The following NUP210 variants were observed in gnomAD, a reference collection of about 807,000 sequenced individuals.
The protein encoded by NUP210 is nucleoporin 210.
NUP210 carries 151 observed loss-of-function variants against 196.0 expected under a neutral mutation model. The ratio of observed to expected loss-of-function variants is 0.77; its 90% CI spans 0.67 to 0.88. The LOEUF is 0.88. NUP210 is among the 40% of genes least tolerant of loss of function. The pLI is 0.00. For synonymous variants in NUP210, 1,070 were observed against 1,052.7 expected, an observed-to-expected ratio of 1.02 and a Z score of -0.32; for missense variants, 2,314 against 2,493.7, an observed-to-expected ratio of 0.93 and a Z score of 1.53.
intron 1 of NUP210, among the ~76,000 whole-genome samples, chr3:13,418,193 T>C (rs1228742841): frequency 6.6e-6 from 1 of 152,250 alleles, no homozygotes; most frequent in Non-Finnish European, 1.5e-5. Flanking sequence ...GTTCAGCCTC[T>C]GGCATCAGGC....
In NUP210 at chr3:13,420,144, A is replaced by T; in HGVS notation, c.83T>A (p.Leu28His). Residue 28 changes from leucine to histidine, a missense_variant, in exon 1 of 40, where the codon CTC becomes CAC. Physicochemically the swap from Leu to His is moderately conservative, Grantham distance 99. Transcript: ENST00000254508. The surrounding 1 kb of genome is among the most constrained non-coding windows in gnomAD (Gnocchi z 4.8). ...GGGCAGCAGCACTTTGGGGATGTTG[A>T]GCTTGGCCGCAGCGGCGGAGGGGCC... Reference protein sequence around the residue: ...AAGPSAAAAKLNIPKVLLPFT... With the variant: ...AAGPSAAAAKHNIPKVLLPFT... 7.6e-7 allele frequency: 1 copy of T among 1,324,486 alleles called. No individual in the cohort carries two copies. Among genetic ancestry groups the T allele is most frequent in the Non-Finnish European group, 9.8e-7 (1 of 1,017,628 alleles). 82.0% of individuals were successfully genotyped at this position (1,324,486 alleles called of 1,614,324 possible). A position where few individuals can be genotyped will look rare whatever the true frequency, so the allele number is the denominator to read the frequency against.
At chr3:13,419,225 C>G (rs1367260751) in intron 1 of NUP210, among the ~76,000 whole-genome samples, 1 of 152,238 alleles carries the variant, frequency 6.6e-6, no homozygotes. Flanking sequence ...CCCATCTTTT[C>G]ACCCCTAGGA....
chr3:13,343,467 C>T (rs961716753), intron 20 of NUP210, among the ~76,000 whole-genome samples, 164 bp from the exon 21 acceptor site: 2 of 152,200 alleles, frequency 1.3e-5, no homozygotes, highest in African/African-American at 4.8e-5. Flanking sequence ...AAGCAGTGGA[C>T]AAGGGAAATC....
chr3:13,418,963 AAAAAAAAAAAG>A (rs1227990940), intron 1 of NUP210, among the ~76,000 whole-genome samples: 9 of 148,558 alleles, frequency 6.1e-5, no homozygotes, highest in African/African-American at 1.0e-4. Context: ...AAAAAAAAAA[AAAAAAAAAAAG>A]AAAGAAAGAA....
Position 13,379,084 on chromosome 3 carries a change from G to C in NUP210, c.977-104C>G. ...CCTGATCATCAAGACATCACATGGAGAGAAGAAGAGGGGATGAAAACTCCC... is the reference window on the plus strand; with the variant it reads ...CCTGATCATCAAGACATCACATGGACAGAAGAAGAGGGGATGAAAACTCCC... On this transcript the variant is annotated intron_variant, in intron 7 of 39. Coordinates refer to ENST00000254508, the MANE Select transcript of NUP210 (RefSeq NM_024923.4). The surrounding 1 kb of genome is among the most constrained non-coding windows in gnomAD (Gnocchi z 4.2). 1 of 973,080 alleles carries C rather than the reference G, an allele frequency of 1.0e-6. No individual in the cohort carries two copies. Among genetic ancestry groups the C allele is most frequent in the Non-Finnish European group, 1.7e-6 (1 of 603,344 alleles). 60.3% of individuals were successfully genotyped at this position (973,080 alleles called of 1,614,324 possible).
intron 20 of NUP210, chr3:13,344,887 C>G: frequency 1.0e-6 from 1 of 977,280 alleles, no homozygotes; most frequent in Non-Finnish European, 1.2e-6. Context: ...ATCCTCCAGG[C>G]CCAGGTCCAG....
In NUP210 at chr3:13,420,322, T is replaced by C; in HGVS notation, c.-96A>G. 1.2e-6 allele frequency: 1 copy of C among 810,104 alleles called. No individual in the cohort carries two copies. Among genetic ancestry groups the C allele is most frequent in the Non-Finnish European group, 1.5e-6 (1 of 668,032 alleles). The allele number at this position is 810,104 out of a possible 1,614,324, so 50.2% of individuals were successfully genotyped here. On this transcript the variant is annotated 5_prime_UTR_variant, in exon 1 of 40. Transcript: ENST00000254508. This position sits in a 1 kb window ranked among gnomAD's most constrained non-coding sequence, Gnocchi z 4.8. ...CCCGCGCGCGCGCCAGGCCAGCAGG[T>C]GATGAGCGCGGGGGCGGGGCGAGGG...
intron 1 of NUP210, among the ~76,000 whole-genome samples, chr3:13,401,895 A>T (rs1308647307): frequency 2.0e-5 from 3 of 152,002 alleles, no homozygotes; most frequent in Non-Finnish European, 4.4e-5. Context: ...ACTGCTTTAA[A>T]AAAAAAAAAG....
At chr3:13,359,792 C>T (rs747423038) in intron 15 of NUP210, among the ~76,000 whole-genome samples, 1 of 152,138 alleles carries the variant, frequency 6.6e-6, no homozygotes, top group Non-Finnish European at 1.5e-5. Flanking sequence ...TTGTCTGGTC[C>T]CCTCAGCCTC....
chr3:13,324,143 G>A (rs1404285306), intron 33 of NUP210, among the ~76,000 whole-genome samples: 4 of 152,106 alleles, frequency 2.6e-5, no homozygotes, highest in Admixed American at 6.5e-5. Flanking sequence ...CGGTGCCTCC[G>A]CTCAGGGCTT....
intron 6 of NUP210, among the ~76,000 whole-genome samples, chr3:13,382,604 C>T (rs1377105609): frequency 6.6e-6 from 1 of 152,198 alleles, no homozygotes; most frequent in Non-Finnish European, 1.5e-5. Flanking sequence ...GAAAAAATTA[C>T]TGTAAGGAAG....
chr3:13,418,948 C>CAAAAAAAAAAAAA (rs112826426), intron 1 of NUP210, among the ~76,000 whole-genome samples: 3 of 52,496 alleles, frequency 5.7e-5, no homozygotes, highest in East Asian at 6.8e-4. Flanking sequence ...AACTCCGTCT[C>CAAAAAAAAAAAAA]AAAAAAAAAA....
chr3:13,337,203 C>T (rs1697251212), intron 26 of NUP210, among the ~76,000 whole-genome samples: 1 of 152,232 alleles, frequency 6.6e-6, no homozygotes, highest in African/African-American at 2.4e-5. Context: ...CCATGGGTCC[C>T]CCAGCAGCAC....
At position 13,340,659 on chromosome 3, in the gene NUP210, G is replaced by A. The variant is rs915817782; in HGVS notation, c.3229-361C>T. Among the ~76,000 whole-genome samples the A allele has an allele frequency of 1.3e-5, 2 of 152,120 alleles. No homozygotes were observed. Among genetic ancestry groups the A allele is most frequent in the African/African-American group, 4.8e-5 (2 of 41,406 alleles). ...GTCACTAAGCAGCAATGTCAGCAGC[G>A]CCTGGGGACACATTAGCAATGTACA... On this transcript the variant is annotated intron_variant, in intron 23 of 39. Transcript: ENST00000254508. The surrounding 1 kb of genome is among the most constrained non-coding windows in gnomAD (Gnocchi z 4.0).
Position 13,347,977 on chromosome 3 carries a change from G to C in NUP210, c.2835+3902C>G, listed in dbSNP as rs1242499557. On this transcript the variant is annotated intron_variant, in intron 20 of 39. Coordinates refer to ENST00000254508, the MANE Select transcript of NUP210 (RefSeq NM_024923.4). This position sits in a 1 kb window ranked among gnomAD's most constrained non-coding sequence, Gnocchi z 4.7. ...CATGGAAGGAAACTTCTGGACCAGA[G>C]CAGTTCGCAGGGCCTGTGGCACGGG... is the stretch of plus-strand genomic sequence containing the variant. 2.0e-5 allele frequency among the ~76,000 whole-genome samples: 3 copies of C among 152,236 alleles called. No individual in the cohort carries two copies. The East Asian group carries it at 5.8e-4, about 29-fold the overall frequency.
intron 28 of NUP210, among the ~76,000 whole-genome samples, chr3:13,334,607 G>A (rs1000245437): frequency 6.6e-6 from 1 of 152,138 alleles, no homozygotes; most frequent in Non-Finnish European, 1.5e-5. Flanking sequence ...GACATATAAG[G>A]AACACTTTTT....
chr3:13,359,111 C>T (rs1390523861), intron 15 of NUP210, among the ~76,000 whole-genome samples: 2 of 152,172 alleles, frequency 1.3e-5, no homozygotes, highest in Non-Finnish European at 2.9e-5. Context: ...CCTACCCCTC[C>T]TGACCATAAG....
In NUP210 at chr3:13,371,930, G is replaced by A; in HGVS notation, c.1690C>T (p.Pro564Ser). The change falls in exon 13 of 40, where the codon CCC (proline) becomes TCC (serine). Residue 564 changes from proline to serine, a missense_variant. Physicochemically the swap from Pro to Ser is moderately conservative, Grantham distance 74. Transcript: ENST00000254508. Reference sequence around the variant, plus strand: ...GTGACCACCTCACTGGCCCCGCCGGGCATGAGGCCACTGATCCTCAGGGGC... The same window carrying A: ...GTGACCACCTCACTGGCCCCGCCGGACATGAGGCCACTGATCCTCAGGGGC... ...ELPLRISGLM[P>S]GGASEVVTLS... 3 of 1,607,572 alleles carry A rather than the reference G, an allele frequency of 1.9e-6. No individual in the cohort carries two copies. The highest frequency in any genetic ancestry group is 1.7e-6 in the Non-Finnish European group (2 of 1,177,234).
Position 13,316,356 on chromosome 3 carries a change from A to G in NUP210, c.*1325T>C, listed in dbSNP as rs1381600655. Reference sequence around the variant, plus strand: ...AATTCTTCCTTTCTCCAGCTTTAGAAAAATCAACCACATGGCCCAGCCCTG... The same window carrying G: ...AATTCTTCCTTTCTCCAGCTTTAGAGAAATCAACCACATGGCCCAGCCCTG... On this transcript the variant is annotated 3_prime_UTR_variant, in exon 40 of 40. Coordinates refer to ENST00000254508, the MANE Select transcript of NUP210 (RefSeq NM_024923.4). 6.6e-6 allele frequency: 1 copy of G among 152,276 alleles called. No individual in the cohort carries two copies. The highest frequency in any genetic ancestry group is 1.9e-4 in the East Asian group (1 of 5,196). The allele number at this position is 152,276 out of a possible 1,614,324, so 9.4% of individuals were successfully genotyped here.
Sources: gnomAD v4.1 joint callset for allele counts (sites outside exome capture counted in the v4.1 genomes callset) on GRCh38, gnomAD v4.1.1 for gene constraint, Gnocchi (gnomAD v3.1) non-coding constraint, MANE v1.5 for transcripts, NCBI Gene and HGNC (gene_info 2026-07-23, HGNC 2026-07-21) for gene names.